SEMA3C: variants seen among roughly 807,000 people sequenced by gnomAD.
SEMA3C encodes semaphorin-3C.
SEMA3C carries 47 observed loss-of-function variants against 89.4 expected under a neutral mutation model. The ratio of observed to expected loss-of-function variants is 0.53; its 90% CI spans 0.42 to 0.67. The LOEUF (loss-of-function observed/expected upper bound fraction) is 0.67, where lower values mean the gene tolerates loss of function less well. Among genes scored for constraint, SEMA3C ranks in the 30% least tolerant of loss-of-function variants. The pLI is 0.00. For missense variants in SEMA3C, 839 were observed against 929.1 expected, an observed-to-expected ratio of 0.90 and a Z score of 1.26; for synonymous variants, 310 against 320.2, an observed-to-expected ratio of 0.97 and a Z score of 0.34.
intron 2 of SEMA3C, among the ~76,000 whole-genome samples, chr7:80,894,327 T>C (rs762948993): frequency 3.1e-4 from 47 of 152,188 alleles, no homozygotes; most frequent in Non-Finnish European, 2.4e-4. Flanking sequence ...TGTACCTCCC[T>C]AATAACTGAA....
At chr7:80,818,548 A>T (rs1789666829) in intron 4 of SEMA3C, 130 bp from the exon 5 acceptor site, 1 of 969,540 alleles carries the variant, frequency 1.0e-6, no homozygotes, top group Non-Finnish European at 1.5e-6. Context: ...GTATTAGTCC[A>T]GGGGCGTCCA....
At chr7:80,886,745 GGAGT>G (rs1791488823) in intron 2 of SEMA3C, among the ~76,000 whole-genome samples, 1 of 152,134 alleles carries the variant, frequency 6.6e-6, no homozygotes, top group African/African-American at 2.4e-5. Context: ...AGATATCTAA[GGAGT>G]TAGTTAAATG....
intron 2 of SEMA3C, among the ~76,000 whole-genome samples, chr7:80,837,304 GT>G (rs1790156775): frequency 6.6e-6 from 1 of 152,142 alleles, no homozygotes; most frequent in Non-Finnish European, 1.5e-5. Context: ...GAGAATTACC[GT>G]ATTTTGTGAA....
chr7:80,759,530 C>T (rs1442039242), intron 14 of SEMA3C, among the ~76,000 whole-genome samples: 1 of 152,116 alleles, frequency 6.6e-6, no homozygotes, highest in African/African-American at 2.4e-5. Flanking sequence ...ACAGCACTTA[C>T]CATATGGAGT....
At chr7:80,906,309 T>A (rs1202274735) in intron 2 of SEMA3C, among the ~76,000 whole-genome samples, 1 of 152,186 alleles carries the variant, frequency 6.6e-6, no homozygotes, top group Non-Finnish European at 1.5e-5. Flanking sequence ...CTATCAAATA[T>A]TGTAAAATTT....
rs538736329 is a variant in SEMA3C, at chr7:80,871,336, C to A, written c.104-42591G>T. 2.6e-5 allele frequency among the ~76,000 whole-genome samples: 4 copies of A among 152,282 alleles called. 1 individual carries two copies. The highest frequency in any genetic ancestry group is 2.6e-4 in the Admixed American group (4 of 15,288). On this transcript the variant is annotated intron_variant, in intron 2 of 17. Coordinates refer to ENST00000265361, the MANE Select transcript of SEMA3C (RefSeq NM_006379.5). ...ATCCTGTTACTTCCTTGCCTAGAGA[C>A]CTTTAATTTTTCTGCCTTGACTGCA...
At chr7:80,758,067 G>C (rs1054911878) in intron 15 of SEMA3C, among the ~76,000 whole-genome samples, 1 of 152,122 alleles carries the variant, frequency 6.6e-6, no homozygotes, top group Non-Finnish European at 1.5e-5. Context: ...GAGTCCTAGG[G>C]GAGTAGGTGT....
intron 2 of SEMA3C, among the ~76,000 whole-genome samples, chr7:80,883,206 A>G (rs1791393740): frequency 6.6e-6 from 1 of 152,192 alleles, no homozygotes; most frequent in Admixed American, 6.5e-5. Flanking sequence ...ATTCATTAAC[A>G]AATAATTATA....
chr7:80,823,867 AATATT>A (rs1431879317), intron 4 of SEMA3C, among the ~76,000 whole-genome samples: 3 of 152,174 alleles, frequency 2.0e-5, no homozygotes, highest in Non-Finnish European at 2.9e-5. Flanking sequence ...GTATGAATAA[AATATT>A]AACATTTAGA....
At chr7:80,822,124 C>T (rs17154508) in intron 4 of SEMA3C, among the ~76,000 whole-genome samples, 20,554 of 152,120 alleles carry the variant, frequency 0.14, 1,630 homozygotes, top group African/African-American at 0.23. Flanking sequence ...CGAGGCACTA[C>T]ATATGGTACT....
At chr7:80,782,632 A>G (rs1237788828) in intron 12 of SEMA3C, among the ~76,000 whole-genome samples, 1 of 152,228 alleles carries the variant, frequency 6.6e-6, no homozygotes, top group Admixed American at 6.5e-5. Context: ...TGCTATCTCT[A>G]TGATATTAAC....
In SEMA3C at chr7:80,811,222, C is replaced by G. The variant is rs374965393; in HGVS notation, c.448-521G>C. Among the ~76,000 whole-genome samples the G allele has an allele frequency of 2.0e-5, 3 of 151,958 alleles. No homozygotes were observed. In the East Asian group the frequency reaches 5.8e-4, roughly 29 times the overall value. The stretch of plus-strand genomic sequence containing the variant: ...GTCATTTACTCATGACTTTATTTAA[C>G]AAAAATTCACTGAGCATCTGCCATG... On this transcript the variant is annotated intron_variant, in intron 5 of 17. Transcript: ENST00000265361.
chr7:80,873,305 C>G (rs1285683732), intron 2 of SEMA3C, among the ~76,000 whole-genome samples: 1 of 152,198 alleles, frequency 6.6e-6, no homozygotes, highest in Admixed American at 6.5e-5. Flanking sequence ...ACGTCATAAA[C>G]TAGTGGCCTG....
At chr7:80,751,000 A>C (rs1400839982) in intron 16 of SEMA3C, among the ~76,000 whole-genome samples, 1 of 152,216 alleles carries the variant, frequency 6.6e-6, no homozygotes, top group Non-Finnish European at 1.5e-5. Flanking sequence ...ATAGTAGCTA[A>C]GAAAATCTGT....
intron 12 of SEMA3C, among the ~76,000 whole-genome samples, chr7:80,775,832 A>G (rs1788536538): frequency 6.6e-6 from 1 of 152,096 alleles, no homozygotes; most frequent in African/African-American, 2.4e-5. Context: ...TCTGAGGCAC[A>G]TTTGGTTTCA....
chr7:80,840,351 C>A (rs1790233797), intron 2 of SEMA3C, among the ~76,000 whole-genome samples: 1 of 151,648 alleles, frequency 6.6e-6, no homozygotes, highest in Non-Finnish European at 1.5e-5. Context: ...AAGACCATGT[C>A]TCTACAAAAA....
chr7:80,905,839 G>A (rs770672265), intron 2 of SEMA3C: 1 of 1,288,806 alleles, frequency 7.8e-7, no homozygotes, highest in South Asian at 1.2e-5. Context: ...TAGAGTAGGT[G>A]GTTGCTGAGG....
intron 7 of SEMA3C, 148 bp downstream of exon 7, chr7:80,805,491 A>G (rs1789317071): frequency 1.8e-6 from 1 of 545,288 alleles, no homozygotes; most frequent in Non-Finnish European, 3.0e-6. Context: ...TTCCCCGAAT[A>G]TTTTAAATCA....
chr7:80,751,108 G>T (rs1178228548), intron 16 of SEMA3C, among the ~76,000 whole-genome samples, 161 bp downstream of exon 16: 4 of 152,092 alleles, frequency 2.6e-5, no homozygotes, highest in Non-Finnish European at 5.9e-5. Flanking sequence ...CATACAAAAA[G>T]CCTTTAAGTT....
Sources: allele counts gnomAD v4.1 joint callset (sites outside exome capture counted in the v4.1 genomes callset), GRCh38; gene constraint gnomAD v4.1.1; transcripts MANE v1.5; gene names NCBI Gene and HGNC (gene_info 2026-07-23, HGNC 2026-07-21).